The following NPAS2 variants were observed in gnomAD, a reference collection of about 807,000 sequenced individuals.
The protein encoded by NPAS2 is neuronal PAS domain-containing protein 2.
A neutral mutation model predicts 107.5 loss-of-function variants in NPAS2; 23 were observed. The ratio of observed to expected loss-of-function variants is 0.21; its 90% confidence interval spans 0.15 to 0.30. The LOEUF (loss-of-function observed/expected upper bound fraction) is 0.30, where lower values mean the gene tolerates loss of function less well. Ranked by LOEUF, NPAS2 falls within the 10% of genes least tolerant of loss-of-function variation. NPAS2 has a pLI of 1.00. For synonymous variants in NPAS2, 403 were observed against 417.5 expected (o/e 0.97, Z 0.42); for missense variants, 756 against 1,043.3 (o/e 0.72, Z 3.79).
At chr2:100,890,480 G>T (rs1421391841) in intron 1 of NPAS2, among the ~76,000 whole-genome samples, 1 of 152,148 alleles carries the variant, frequency 6.6e-6, no homozygotes, top group Admixed American at 6.5e-5. Flanking sequence ...AAGGAGAGGT[G>T]CAGGTGCTCT....
At chr2:100,962,119 T>C (rs1453383310) in intron 7 of NPAS2, among the ~76,000 whole-genome samples, 1 of 152,206 alleles carries the variant, frequency 6.6e-6, no homozygotes, top group Non-Finnish European at 1.5e-5. Context: ...TCATTTGCAA[T>C]AGCCTAAGCC....
intron 1 of NPAS2, among the ~76,000 whole-genome samples, chr2:100,860,136 T>A (rs73967685): frequency 0.036 from 5,427 of 152,310 alleles, 332 homozygotes; most frequent in African/African-American, 0.12. Flanking sequence ...TTCGTTGTCT[T>A]CTGGTGTTTA....
chr2:100,876,371 C>T (rs1232294288), intron 1 of NPAS2, among the ~76,000 whole-genome samples: 1 of 152,218 alleles, frequency 6.6e-6, no homozygotes, highest in African/African-American at 2.4e-5. Context: ...GCCCCATCAC[C>T]CTCGTGACTG....
chr2:100,934,358 G>A (rs560214943), intron 4 of NPAS2, among the ~76,000 whole-genome samples: 2 of 150,602 alleles, frequency 1.3e-5, no homozygotes, highest in East Asian at 3.9e-4. Context: ...AAAAGTATTT[G>A]AGGAAATAGG....
chr2:100,872,664 A>G (rs959480227), intron 1 of NPAS2, among the ~76,000 whole-genome samples: 27 of 152,138 alleles, frequency 1.8e-4, no homozygotes, highest in African/African-American at 6.5e-4. Flanking sequence ...AATGGTTTCT[A>G]GAAACATCTA....
chr2:100,968,168 C>A lies in NPAS2; in HGVS notation c.908-113C>A. 1 of 1,134,830 alleles carries A rather than the reference C, an allele frequency of 8.8e-7. No homozygotes were observed. The highest frequency in any genetic ancestry group is 1.3e-6 in the Non-Finnish European group (1 of 781,602). 70.3% of individuals were successfully genotyped at this position (1,134,830 alleles called of 1,614,324 possible). ...AATACAGGGCAACCGGGGAAACAAG[C>A]CATGTTTGGTATTGTCTTTTTTTTT... is the stretch of plus-strand genomic sequence containing the variant. On this transcript the variant is annotated intron_variant, in intron 10 of 20. Transcript: ENST00000335681. This position sits in a 1 kb window ranked among gnomAD's most constrained non-coding sequence, Gnocchi z 5.3.
rs368195409 is a variant in NPAS2 at position 100,948,326 on chromosome 2, C to T, written c.455C>T (p.Thr152Met). 51 of 1,611,188 alleles carry T rather than the reference C, an allele frequency of 3.2e-5. No individual in the cohort carries two copies. The highest frequency in any genetic ancestry group is 4.4e-5 in the South Asian group (4 of 90,192). Reference protein sequence around the residue: ...YKILSSHMLVTDSPSPEYLKS... With the variant: ...YKILSSHMLVMDSPSPEYLKS... ...ATCCTTTCTTCCCATATGCTTGTGA[C>T]GGATTCCCCCTCCCCAGAATACTTA... is the stretch of plus-strand genomic sequence containing the variant. The change falls in exon 6 of 21, where the codon ACG becomes ATG. Residue 152 changes from threonine (T) to methionine (M), a missense_variant. By Grantham distance (81) the Thr-to-Met change is moderately conservative. Transcript: ENST00000335681.
chr2:100,966,160 T>C (rs1676200291), intron 10 of NPAS2, among the ~76,000 whole-genome samples: 2 of 152,184 alleles, frequency 1.3e-5, no homozygotes, highest in Non-Finnish European at 2.9e-5. Context: ...GGCCAGATAC[T>C]GAGTAGGCTG....
chr2:100,880,997 G>A (rs1466136268), intron 1 of NPAS2, among the ~76,000 whole-genome samples: 5 of 152,166 alleles, frequency 3.3e-5, no homozygotes, highest in African/African-American at 4.8e-5. Flanking sequence ...ACTCAACCCC[G>A]AGAGCAGCAG....
intron 1 of NPAS2, among the ~76,000 whole-genome samples, chr2:100,892,556 G>A (rs1681140231): frequency 6.6e-6 from 1 of 152,138 alleles, no homozygotes; most frequent in Non-Finnish European, 1.5e-5. Context: ...GGACAAGGCT[G>A]GAGAGGGCTA....
intron 15 of NPAS2, 109 bp downstream of exon 15, chr2:100,977,908 G>A (rs1677128566): frequency 2.2e-6 from 2 of 903,542 alleles, no homozygotes; most frequent in Non-Finnish European, 3.6e-6. Context: ...TGACGTGGGG[G>A]AATGTCCCTC....
At chr2:100,932,772 A>G (rs1684043405) in intron 3 of NPAS2, 138 bp from the exon 4 acceptor site, 1 of 641,078 alleles carries the variant, frequency 1.6e-6, no homozygotes, top group Non-Finnish European at 2.8e-6. Context: ...AGGGTAACAT[A>G]TTTCCTTCTG....
chr2:100,994,860 A>C (rs1678353370), intron 20 of NPAS2: 1 of 152,530 alleles, frequency 6.6e-6, no homozygotes, highest in African/African-American at 2.4e-5. Flanking sequence ...ATTTCATGGA[A>C]GGGAATAGTG....
At chr2:100,924,449 T>C (rs1683432988) in intron 2 of NPAS2, among the ~76,000 whole-genome samples, 1 of 152,280 alleles carries the variant, frequency 6.6e-6, no homozygotes, top group Non-Finnish European at 1.5e-5. Context: ...TTTTCCAGAA[T>C]GTCATATACT....
chr2:100,832,655 G>T (rs559328991), intron 1 of NPAS2, among the ~76,000 whole-genome samples: 3 of 152,112 alleles, frequency 2.0e-5, no homozygotes, highest in Non-Finnish European at 4.4e-5. Context: ...CCAGAAGAAC[G>T]TTGCTGCTGG....
chr2:100,854,907 G>A (rs1678461741), intron 1 of NPAS2, among the ~76,000 whole-genome samples: 1 of 152,214 alleles, frequency 6.6e-6, no homozygotes, highest in Non-Finnish European at 1.5e-5. Flanking sequence ...CTGAAACGCT[G>A]TGTGAGATGT....
At chr2:100,901,817 C>A (rs1055511596) in intron 1 of NPAS2, among the ~76,000 whole-genome samples, 1 of 152,006 alleles carries the variant, frequency 6.6e-6, no homozygotes, top group South Asian at 2.1e-4. Flanking sequence ...TTACAAAGAG[C>A]CCCCCTGTAA....
At chr2:100,923,362 G>T (rs541410000) in intron 2 of NPAS2, among the ~76,000 whole-genome samples, 3 of 152,178 alleles carry the variant, frequency 2.0e-5, no homozygotes, top group Non-Finnish European at 4.4e-5. Context: ...AGATAGGACC[G>T]GTAAAAGATG....
intron 1 of NPAS2, among the ~76,000 whole-genome samples, chr2:100,834,238 T>A (rs1215146807): frequency 1.3e-5 from 2 of 152,206 alleles, no homozygotes; most frequent in African/African-American, 4.8e-5. Context: ...TGAGGCTTTC[T>A]GGGCTCAGCC....
Sources: allele counts gnomAD v4.1 joint callset (sites outside exome capture counted in the v4.1 genomes callset), GRCh38; gene constraint gnomAD v4.1.1; non-coding constraint Gnocchi (gnomAD v3.1); transcripts MANE v1.5; gene names NCBI Gene and HGNC (gene_info 2026-07-23, HGNC 2026-07-21).